Variants in TIMP2 observed in about 807,000 individuals in gnomAD.
TIMP2 encodes the protein metalloproteinase inhibitor 2.
A neutral mutation model predicts 24.3 loss-of-function variants in TIMP2; 5 were observed. That is an observed-to-expected ratio of 0.21 (90% CI 0.11 to 0.43). The LOEUF is 0.43. TIMP2 is among the 20% of genes least tolerant of loss of function. TIMP2 has a pLI of 1.00. For missense variants in TIMP2, 221 were observed against 297.5 expected (o/e 0.74, Z 1.89); for synonymous variants, 130 against 123.2 (o/e 1.06, Z -0.37).
In TIMP2 at chr17:78,855,567, T is replaced by C. The variant is rs1194835743; in HGVS notation, c.*100A>G. On this transcript the variant is annotated 3_prime_UTR_variant, in exon 5 of 5. Coordinates refer to ENST00000262768, the MANE Select transcript of TIMP2 (RefSeq NM_003255.5). The surrounding 1 kb of genome is among the most constrained non-coding windows in gnomAD (Gnocchi z 6.0). Reference sequence around the variant, plus strand: ...TTAATTTGGACCCATGGGATGAGTGTTTTATTCATGCTGTTTCCAGGAAGG... The same window carrying C: ...TTAATTTGGACCCATGGGATGAGTGCTTTATTCATGCTGTTTCCAGGAAGG... 1 of 1,338,582 alleles carries C rather than the reference T, an allele frequency of 7.5e-7. No individual in the cohort carries two copies. Among genetic ancestry groups the C allele is most frequent in the African/African-American group, 1.4e-5 (1 of 69,200 alleles). 82.9% of individuals were successfully genotyped at this position (1,338,582 alleles called of 1,614,324 possible).
rs1008259219 is a variant in TIMP2 at position 78,855,486 on chromosome 17, G to A, written c.*181C>T. On this transcript the variant is annotated 3_prime_UTR_variant, in exon 5 of 5. Transcript: ENST00000262768. The surrounding 1 kb of genome is among the most constrained non-coding windows in gnomAD (Gnocchi z 6.0). The stretch of plus-strand genomic sequence containing the variant: ...GATGGGATGAGGACCTTGGACCCAC[G>A]TCTCCCTCCAGACCCACAACCATGT... 9 of 726,976 alleles carry A rather than the reference G, an allele frequency of 1.2e-5. No individual in the cohort carries two copies. The highest frequency in any genetic ancestry group is 1.8e-5 in the Non-Finnish European group (8 of 451,378). The allele number at this position is 726,976 out of a possible 1,614,324, so 45.0% of individuals were successfully genotyped here.
chr17:78,874,536 C>A (rs9916773), intron 1 of TIMP2, among the ~76,000 whole-genome samples: 16,376 of 152,174 alleles, frequency 0.11, 1,100 homozygotes, highest in African/African-American at 0.18. Flanking sequence ...CTATCCAGCT[C>A]TTCTCATCTT....
At chr17:78,866,234 CCA>C (rs1485442162) in intron 3 of TIMP2, among the ~76,000 whole-genome samples, 2 of 152,206 alleles carry the variant, frequency 1.3e-5, no homozygotes, top group African/African-American at 4.8e-5. Flanking sequence ...CCCCCGAATG[CCA>C]CACTGCAGAC....
Position 78,855,603 on chromosome 17 carries a change from C to T in TIMP2, c.*64G>A, listed in dbSNP as rs906057019. 4.5e-6 allele frequency: 7 copies of T among 1,566,884 alleles called. No homozygotes were observed. In the African/African-American group the frequency reaches 9.4e-5, roughly 21 times the overall value. On this transcript the variant is annotated 3_prime_UTR_variant, in exon 5 of 5. Transcript: ENST00000262768. The surrounding 1 kb of genome is among the most constrained non-coding windows in gnomAD (Gnocchi z 6.0). ...CTGTTTCCAGGAAGGGATGTCAGAG[C>T]TGGACCAGTCGAAACCCTTGGAGGC...
At chr17:78,890,553 G>A (rs1049258372) in intron 1 of TIMP2, 29 of 1,409,606 alleles carry the variant, frequency 2.1e-5, no homozygotes, top group East Asian at 1.0e-4. Context: ...AGGCAATGAC[G>A]CAAACACAGA....
In TIMP2 at chr17:78,893,375, GTGTGTGTGCAGGGGTGT is replaced by G. The variant is rs1568001184; in HGVS notation, c.131-19473_131-19457del. ...GGTGTGTGTGCAGGGGTGTGTAGGAGTGTGTGTGCAGGGGTGTGTATGCAGGGGTGTGTGTGCATAGG... is the reference window on the plus strand; with the variant it reads ...GGTGTGTGTGCAGGGGTGTGTAGGAGGTATGCAGGGGTGTGTGTGCATAGG... On this transcript the variant is annotated intron_variant, in intron 1 of 4. Transcript: ENST00000262768. Among the ~76,000 whole-genome samples the G allele has an allele frequency of 1.3e-3, 177 of 139,444 alleles. 2 individuals are homozygous for G. Among genetic ancestry groups the G allele is most frequent in the Middle Eastern group, 4.0e-3 (1 of 252 alleles). The allele number at this position is 139,444 out of a possible 152,430, so 91.5% of individuals were successfully genotyped here.
chr17:78,891,655 C>G lies in TIMP2; in HGVS notation c.131-17736G>C. ...GGGCTGGAACAAAGCAAACTGCCCC[C>G]TTTCCCAGTTGCCTCCTCCCCGCCC... On this transcript the variant is annotated intron_variant, in intron 1 of 4. Transcript: ENST00000262768. The surrounding 1 kb of genome is among the most constrained non-coding windows in gnomAD (Gnocchi z 4.5). 6.4e-7 allele frequency: 1 copy of G among 1,551,058 alleles called. No individual in the cohort carries two copies. The highest frequency in any genetic ancestry group is 8.7e-7 in the Non-Finnish European group (1 of 1,147,114).
rs562929110 is a variant in TIMP2, at chr17:78,862,055, G to A, written c.341-4409C>T. On this transcript the variant is annotated intron_variant, in intron 3 of 4. Transcript: ENST00000262768. ...GCATGAGTCTGGGTTACAGAAAACC[G>A]GGAATTAAAATTTGTAACGAAGGGT... 2.6e-5 allele frequency among the ~76,000 whole-genome samples: 4 copies of A among 152,232 alleles called. No homozygotes were observed. The South Asian group carries it at 6.2e-4, about 24-fold the overall frequency.
At chr17:78,895,314 A>G (rs1467644621) in intron 1 of TIMP2, among the ~76,000 whole-genome samples, 1 of 152,204 alleles carries the variant, frequency 6.6e-6, no homozygotes, top group African/African-American at 2.4e-5. Context: ...AATCAGCAAC[A>G]GATTTAAATA....
At chr17:78,908,411 T>G (rs542137909) in intron 1 of TIMP2, among the ~76,000 whole-genome samples, 2 of 152,308 alleles carry the variant, frequency 1.3e-5, no homozygotes, top group African/African-American at 4.8e-5. Context: ...CTTCCATGCC[T>G]CTAAACTACT....
chr17:78,867,836 T>A (rs2069631686), intron 3 of TIMP2, among the ~76,000 whole-genome samples: 1 of 151,950 alleles, frequency 6.6e-6, no homozygotes, highest in South Asian at 2.1e-4. Flanking sequence ...CCTGACCTCA[T>A]GATCTGCCCG....
chr17:78,860,873 T>A (rs2069562049), intron 3 of TIMP2, among the ~76,000 whole-genome samples: 1 of 151,722 alleles, frequency 6.6e-6, no homozygotes, highest in Admixed American at 6.6e-5. Context: ...CCGTCTCTAC[T>A]AAAAATATAA....
At chr17:78,867,361 G>A (rs1031954644) in intron 3 of TIMP2, among the ~76,000 whole-genome samples, 11 of 152,148 alleles carry the variant, frequency 7.2e-5, no homozygotes, top group Non-Finnish European at 1.6e-4. Flanking sequence ...AGGGATAGAA[G>A]TCTTGATGAC....
At chr17:78,867,594 C>CTTTTT (rs58975858) in intron 3 of TIMP2, among the ~76,000 whole-genome samples, 1 of 127,678 alleles carries the variant, frequency 7.8e-6, no homozygotes, top group African/African-American at 3.1e-5. Context: ...TTTGTACCTT[C>CTTTTT]TTTTTTTTTT....
chr17:78,905,499 TC>T (rs1599172686), intron 1 of TIMP2, among the ~76,000 whole-genome samples: 2 of 152,376 alleles, frequency 1.3e-5, no homozygotes, highest in Admixed American at 6.5e-5. Flanking sequence ...TTTTATCCTC[TC>T]AGCGTGGCCT....
At chr17:78,866,249 T>C (rs983150399) in intron 3 of TIMP2, among the ~76,000 whole-genome samples, 1 of 152,172 alleles carries the variant, frequency 6.6e-6, no homozygotes, top group Non-Finnish European at 1.5e-5. Context: ...CTGCAGACCA[T>C]GCCTCTGCCA....
chr17:78,855,950 G>T lies in TIMP2; in HGVS notation c.466-86C>A. ...TGCTCTGGGGGCATGTCCAGAACCC[G>T]GCAATGTGCCTACCTGTCATGTGCA... On this transcript the variant is annotated intron_variant, in intron 4 of 4. Coordinates refer to ENST00000262768, the MANE Select transcript of TIMP2 (RefSeq NM_003255.5). The surrounding 1 kb of genome is among the most constrained non-coding windows in gnomAD (Gnocchi z 6.0). 7.4e-7 allele frequency: 1 copy of T among 1,357,778 alleles called. No individual in the cohort carries two copies. Among genetic ancestry groups the T allele is most frequent in the Non-Finnish European group, 1.0e-6 (1 of 958,280 alleles). The allele number at this position is 1,357,778 out of a possible 1,614,324, so 84.1% of individuals were successfully genotyped here.
rs906413516 is a variant in TIMP2 at position 78,891,446 on chromosome 17, C to T, written c.131-17527G>A. The T allele has an allele frequency of 1.6e-4, 250 of 1,550,902 alleles. No individual in the cohort carries two copies. Among genetic ancestry groups the T allele is most frequent in the Non-Finnish European group, 2.1e-4 (244 of 1,147,086 alleles). On this transcript the variant is annotated intron_variant, in intron 1 of 4. Coordinates refer to ENST00000262768, the MANE Select transcript of TIMP2 (RefSeq NM_003255.5). This position sits in a 1 kb window ranked among gnomAD's most constrained non-coding sequence, Gnocchi z 4.5. ...CAAGCACAGGTGTTTTTTCAGCTTT[C>T]TGTTTATATTAAACAACTCTTCAAA...
intron 3 of TIMP2, among the ~76,000 whole-genome samples, chr17:78,869,004 G>A (rs1286813041): frequency 6.6e-6 from 1 of 152,218 alleles, no homozygotes; most frequent in South Asian, 2.1e-4. Context: ...ACAAAGAATG[G>A]TCCATCCCCA....
Sources: allele counts gnomAD v4.1 joint callset (sites outside exome capture counted in the v4.1 genomes callset), GRCh38; gene constraint gnomAD v4.1.1; non-coding constraint Gnocchi (gnomAD v3.1); transcripts MANE v1.5; gene names NCBI Gene and HGNC (gene_info 2026-07-23, HGNC 2026-07-21).